The following PTPRD variants were observed in gnomAD, a reference collection of about 807,000 sequenced individuals.
The protein encoded by PTPRD is receptor-type tyrosine-protein phosphatase delta.
In PTPRD, 34 loss-of-function variants were observed where a neutral mutation model predicts 214.5. The ratio of observed to expected loss-of-function variants is 0.16; its 90% CI spans 0.12 to 0.21. PTPRD has a LOEUF of 0.21. PTPRD is among the 10% of genes least tolerant of loss of function. PTPRD has a pLI of 1.00. For missense variants in PTPRD, 2,545 were observed against 2,398.7 expected, an observed-to-expected ratio of 1.06 and a Z score of -1.27; for synonymous variants, 1,128 against 845.7, an observed-to-expected ratio of 1.33 and a Z score of -5.79.
chr9:9,065,212 G>GA (rs2099724772), intron 10 of PTPRD, among the ~76,000 whole-genome samples: 2 of 152,140 alleles, frequency 1.3e-5, no homozygotes, highest in South Asian at 4.1e-4. Flanking sequence ...TAGTGCTATG[G>GA]AAACAAATAA....
intron 12 of PTPRD, among the ~76,000 whole-genome samples, chr9:8,639,048 G>A (rs1268446231): frequency 2.6e-5 from 4 of 151,962 alleles, no homozygotes; most frequent in Non-Finnish European, 5.9e-5. Flanking sequence ...TGACCATGTG[G>A]GCCAGAATGG....
At chr9:10,317,162 C>G (rs1010818175) in intron 3 of PTPRD, among the ~76,000 whole-genome samples, 1 of 151,794 alleles carries the variant, frequency 6.6e-6, no homozygotes, top group African/African-American at 2.4e-5. Flanking sequence ...AAAAACCTAG[C>G]CTATATAAAG....
chr9:8,960,438 T>C (rs1567249102), intron 11 of PTPRD, among the ~76,000 whole-genome samples: 1 of 152,070 alleles, frequency 6.6e-6, no homozygotes, highest in Non-Finnish European at 1.5e-5. Flanking sequence ...ACATTGTGCT[T>C]TGCGTAGGCA....
At chr9:8,949,809 G>A (rs1408134023) in intron 11 of PTPRD, among the ~76,000 whole-genome samples, 1 of 152,052 alleles carries the variant, frequency 6.6e-6, no homozygotes, top group Non-Finnish European at 1.5e-5. Flanking sequence ...TAAAATTATA[G>A]CATAAACTCG....
intron 11 of PTPRD, among the ~76,000 whole-genome samples, chr9:8,808,453 G>GC (rs916508591): frequency 3.1e-5 from 4 of 127,756 alleles, no homozygotes; most frequent in South Asian, 5.2e-4. Flanking sequence ...AATTTTAAAA[G>GC]CCCCCCACCT....
At chr9:9,942,657 T>A (rs746210412) in intron 4 of PTPRD, among the ~76,000 whole-genome samples, 7 of 152,090 alleles carry the variant, frequency 4.6e-5, no homozygotes, top group Non-Finnish European at 1.0e-4. Flanking sequence ...ATTTTGCAAA[T>A]CTTACAGGTG....
In PTPRD at chr9:9,192,257, T is replaced by C. The variant is rs139920046; in HGVS notation, c.-202-8894A>G. ...AAGCTGTAAGAAAAAAATTATAAAG[T>C]GTTGGGAGAAAGCAGGAGTGCAGTT... On this transcript the variant is annotated intron_variant, in intron 9 of 45. Coordinates refer to ENST00000381196, the MANE Select transcript of PTPRD (RefSeq NM_002839.4). Among the ~76,000 whole-genome samples the C allele has an allele frequency of 2.6e-4, 40 of 152,026 alleles. 1 individual carries two copies. In the East Asian group the frequency reaches 6.8e-3, roughly 26 times the overall value.
At chr9:9,287,093 T>A (rs1180628434) in intron 9 of PTPRD, among the ~76,000 whole-genome samples, 1 of 150,686 alleles carries the variant, frequency 6.6e-6, no homozygotes, top group African/African-American at 2.4e-5. Context: ...GGCGTAGTTG[T>A]GTGGACCTGA....
chr9:10,144,155 A>G (rs72696916), intron 3 of PTPRD, among the ~76,000 whole-genome samples: 7,836 of 152,230 alleles, frequency 0.051, 295 homozygotes, highest in Admixed American at 0.1. Flanking sequence ...TTATATTGTC[A>G]ACATTTTCAC....
intron 7 of PTPRD, among the ~76,000 whole-genome samples, chr9:9,662,589 T>G (rs573674239): frequency 6.6e-6 from 1 of 151,666 alleles, no homozygotes; most frequent in South Asian, 2.1e-4. Context: ...AGTATCAACA[T>G]GAAAAGGCTA....
chr9:9,369,714 G>A (rs2058911900), intron 9 of PTPRD, among the ~76,000 whole-genome samples: 1 of 152,046 alleles, frequency 6.6e-6, no homozygotes, highest in African/African-American at 2.4e-5. Flanking sequence ...GTATTGCCTA[G>A]GTTTTCTTCT....
chr9:10,540,946 G>A (rs2058972576), intron 2 of PTPRD, among the ~76,000 whole-genome samples: 1 of 152,142 alleles, frequency 6.6e-6, no homozygotes, highest in Admixed American at 6.5e-5. Context: ...TGGCAGGGGT[G>A]TATGGGAAAG....
intron 12 of PTPRD, among the ~76,000 whole-genome samples, chr9:8,716,457 A>C (rs1417324673): frequency 6.6e-6 from 1 of 152,238 alleles, no homozygotes; most frequent in Non-Finnish European, 1.5e-5. Context: ...GCCAATTCTT[A>C]CATTTCCTAT....
chr9:8,966,280 C>G (rs964768283), intron 11 of PTPRD, among the ~76,000 whole-genome samples: 1 of 151,870 alleles, frequency 6.6e-6, no homozygotes, highest in East Asian at 1.9e-4. Context: ...AACAAAGATC[C>G]CAAATAGCCA....
intron 8 of PTPRD, among the ~76,000 whole-genome samples, chr9:9,468,987 T>A (rs561289739): frequency 2.0e-5 from 3 of 152,212 alleles, no homozygotes; most frequent in Non-Finnish European, 1.5e-5. Flanking sequence ...CAATCCTTCA[T>A]CAAATATTTA....
At chr9:8,614,857 G>C (rs1203468930) in intron 14 of PTPRD, among the ~76,000 whole-genome samples, 1 of 152,118 alleles carries the variant, frequency 6.6e-6, no homozygotes, top group African/African-American at 2.4e-5. Context: ...TTCACAAAAA[G>C]TAATCTACAT....
chr9:8,522,759 T>C (rs954520601), intron 19 of PTPRD, among the ~76,000 whole-genome samples: 1 of 152,214 alleles, frequency 6.6e-6, no homozygotes, highest in Non-Finnish European at 1.5e-5. Flanking sequence ...CTGGGGCTTT[T>C]ACTGGCAAAA....
At chr9:9,797,034 T>G (rs1030518628) in intron 5 of PTPRD, among the ~76,000 whole-genome samples, 1 of 152,124 alleles carries the variant, frequency 6.6e-6, no homozygotes, top group African/African-American at 2.4e-5. Flanking sequence ...GTTTTCTGAA[T>G]AGTAGATGGG....
intron 37 of PTPRD, among the ~76,000 whole-genome samples, chr9:8,383,098 A>T (rs1195020490): frequency 6.6e-6 from 1 of 152,206 alleles, no homozygotes; most frequent in African/African-American, 2.4e-5. Flanking sequence ...GTCAAATTTT[A>T]ACCCAAAAGG....
Sources: allele counts gnomAD v4.1 joint callset (sites outside exome capture counted in the v4.1 genomes callset), GRCh38; gene constraint gnomAD v4.1.1; transcripts MANE v1.5; gene names NCBI Gene and HGNC (gene_info 2026-07-23, HGNC 2026-07-21).